PIGN: variants seen among roughly 807,000 people sequenced by gnomAD.
PIGN encodes the protein GPI ethanolamine phosphate transferase 1.
In PIGN, 117 loss-of-function variants were observed where a neutral mutation model predicts 125.4. That is an observed-to-expected ratio of 0.93 (90% CI 0.80 to 1.09). The LOEUF is 1.09. Ranked by LOEUF, PIGN falls within the 50% of genes least tolerant of loss-of-function variation. The pLI, the probability that PIGN is intolerant of heterozygous loss-of-function variation, is 0.00. For missense variants in PIGN, 1,075 were observed against 1,094.9 expected (o/e 0.98, Z 0.26); for synonymous variants, 392 against 377.8 (o/e 1.04, Z -0.44).
At chr18:62,125,150 ATATACATGTTTGTACATATGTG>A (rs1326657759) in intron 14 of PIGN, among the ~76,000 whole-genome samples, 2 of 100,920 alleles carry the variant, frequency 2.0e-5, no homozygotes, top group East Asian at 2.5e-4. Context: ...ACATATGTGT[ATATACATGTTTGTACATATGTG>A]TATATAAATA....
At chr18:62,140,619 G>T in intron 11 of PIGN, 140 bp from the exon 12 acceptor site, 1 of 459,370 alleles carries the variant, frequency 2.2e-6, no homozygotes, top group South Asian at 4.0e-5. Flanking sequence ...TAATAAAAAA[G>T]ATATTAATCT....
chr18:62,035,497 CTTAT>C (rs1402187447), intron 23 of PIGN, among the ~76,000 whole-genome samples: 1 of 152,096 alleles, frequency 6.6e-6, no homozygotes, highest in Non-Finnish European at 1.5e-5. Flanking sequence ...TTCAGAAGGC[CTTAT>C]TTAAGAAACC....
chr18:62,054,132 C>T (rs1028837090), intron 30 of PIGN, among the ~76,000 whole-genome samples: 11 of 152,186 alleles, frequency 7.2e-5, no homozygotes, highest in Non-Finnish European at 1.5e-4. Context: ...TGCAAATCTG[C>T]ACCCCATCCC....
At chr18:62,179,203 T>C (rs756597681) in intron 1 of PIGN, among the ~76,000 whole-genome samples, 3 of 152,202 alleles carry the variant, frequency 2.0e-5, no homozygotes, top group Non-Finnish European at 4.4e-5. Context: ...ACTGTTAATA[T>C]AAAACTTGAC....
Position 62,041,435 on chromosome 18 carries a change from T to C in PIGN, c.*4421A>G, listed in dbSNP as rs1487920464. 1 of 152,130 alleles carries C rather than the reference T, an allele frequency of 6.6e-6. No individual in the cohort carries two copies. The highest frequency in any genetic ancestry group is 1.9e-4 in the East Asian group (1 of 5,196). 9.4% of individuals were successfully genotyped at this position (152,130 alleles called of 1,614,324 possible). A position where few individuals can be genotyped will look rare whatever the true frequency, so the allele number is the denominator to read the frequency against. On this transcript the variant is annotated 3_prime_UTR_variant, in exon 31 of 31. Coordinates refer to ENST00000640252, the MANE Select transcript of PIGN (RefSeq NM_176787.5). ...CTCAGGGAAAAAAATTCAATCAACA[T>C]ACAACACCCTATTTTCAAAACTATG...
chr18:62,041,641 GTGTGT>G lies in PIGN; in HGVS notation c.*4210_*4214del, dbSNP rs1568107069. The G allele has an allele frequency of 4.1e-5, 1 of 24,312 alleles. No homozygotes were observed. The highest frequency in any genetic ancestry group is 7.1e-5 in the Non-Finnish European group (1 of 14,046). 1.5% of individuals were successfully genotyped at this position (24,312 alleles called of 1,614,324 possible). On this transcript the variant is annotated 3_prime_UTR_variant, in exon 31 of 31. Coordinates refer to ENST00000640252, the MANE Select transcript of PIGN (RefSeq NM_176787.5). ...TTACAGGAGCCTACCACCCCGCCGG[GTGTGT>G]GTGTGTGTGTGTGTGTGTGTGTGTG...
chr18:62,115,906 C>G (rs1049981518), intron 14 of PIGN, among the ~76,000 whole-genome samples: 1 of 151,986 alleles, frequency 6.6e-6, no homozygotes, highest in African/African-American at 2.4e-5. Context: ...AGAGGTCAGG[C>G]ATTCGAGACC....
intron 28 of PIGN, among the ~76,000 whole-genome samples, chr18:62,082,154 T>G (rs1476188874): frequency 6.6e-6 from 1 of 152,136 alleles, no homozygotes; most frequent in Non-Finnish European, 1.5e-5. Flanking sequence ...GCTCCAGAAA[T>G]TCCTCAAAAC....
chr18:62,078,992 T>A (rs2033316401), intron 28 of PIGN, among the ~76,000 whole-genome samples: 1 of 152,138 alleles, frequency 6.6e-6, no homozygotes, highest in Admixed American at 6.5e-5. Context: ...AATGGTGAAG[T>A]CCTATCTGTG....
At chr18:62,142,227 A>T (rs1368783521) in intron 11 of PIGN, among the ~76,000 whole-genome samples, 1 of 152,246 alleles carries the variant, frequency 6.6e-6, no homozygotes, top group Non-Finnish European at 1.5e-5. Context: ...CAAAGTTGAA[A>T]CACACCACAG....
chr18:62,056,103 A>G (rs898615761), intron 30 of PIGN, among the ~76,000 whole-genome samples: 5 of 148,698 alleles, frequency 3.4e-5, no homozygotes, highest in East Asian at 2.1e-4. Flanking sequence ...CACCAACCTA[A>G]TAAGATCAGA....
chr18:62,082,234 T>C (rs2033481942), intron 28 of PIGN, among the ~76,000 whole-genome samples: 1 of 152,164 alleles, frequency 6.6e-6, no homozygotes, highest in Admixed American at 6.5e-5. Flanking sequence ...GAGTATATTT[T>C]TGACATGTAG....
At position 62,046,059 on chromosome 18, in the gene PIGN, A is replaced by G. The variant is rs2030655228; in HGVS notation, c.2673-80T>C. Reference sequence around the variant, plus strand: ...ATGAGATTCCTCTGAATGGTTTTAAATGGACAGATGAAAATCTCCACTTTC... The same window carrying G: ...ATGAGATTCCTCTGAATGGTTTTAAGTGGACAGATGAAAATCTCCACTTTC... On this transcript the variant is annotated intron_variant, in intron 30 of 30. Coordinates refer to ENST00000640252, the MANE Select transcript of PIGN (RefSeq NM_176787.5). The G allele has an allele frequency of 3.5e-5, 49 of 1,419,322 alleles. 1 individual carries two copies. In the South Asian group the frequency reaches 6.2e-4, roughly 18 times the overall value. The allele number at this position is 1,419,322 out of a possible 1,614,324, so 87.9% of individuals were successfully genotyped here. A position where few individuals can be genotyped will look rare whatever the true frequency, so the allele number is the denominator to read the frequency against.
chr18:62,108,066 T>G (rs1468267623), intron 17 of PIGN, among the ~76,000 whole-genome samples: 1 of 152,214 alleles, frequency 6.6e-6, no homozygotes, highest in East Asian at 1.9e-4. Context: ...ATGACCTTTC[T>G]CTGACTGAAA....
At chr18:62,095,068 C>A (rs2034121663) in intron 23 of PIGN, among the ~76,000 whole-genome samples, 1 of 152,160 alleles carries the variant, frequency 6.6e-6, no homozygotes, top group Non-Finnish European at 1.5e-5. Context: ...AATCTCATAG[C>A]ATAATGGTGA....
chr18:62,110,311 A>G (rs994398371), intron 16 of PIGN, among the ~76,000 whole-genome samples: 3 of 152,148 alleles, frequency 2.0e-5, no homozygotes, highest in Non-Finnish European at 4.4e-5. Context: ...AGTTCTCTGG[A>G]TAACTCGCAA....
intron 23 of PIGN, among the ~76,000 whole-genome samples, chr18:62,019,840 G>A (rs1424543662): frequency 6.6e-6 from 1 of 152,264 alleles, no homozygotes; most frequent in Non-Finnish European, 1.5e-5. Context: ...GCACAAGACT[G>A]TGGTCCCTGA....
chr18:62,184,401 T>C (rs1164031620), intron 1 of PIGN: 1 of 152,202 alleles, frequency 6.6e-6, no homozygotes, highest in Non-Finnish European at 1.5e-5. Flanking sequence ...TTCCCAACAC[T>C]ATTAATAATA....
In PIGN at chr18:62,154,628, T is replaced by C; in HGVS notation, c.466A>G (p.Thr156Ala). The C allele has an allele frequency of 1.3e-6, 2 of 1,562,544 alleles. No individual in the cohort carries two copies. The highest frequency in any genetic ancestry group is 1.8e-6 in the Non-Finnish European group (2 of 1,135,640). ...AKGASGDHVYTYSYDAKREDF... is the reference protein window; with the variant it reads ...AKGASGDHVYAYSYDAKREDF... ...TCTCTTTTAGCATCATAACTATATG[T>C]ATAAACGTGGTCTCCACTAGCACCT... Residue 156 changes from threonine (T) to alanine (A), a missense_variant, in exon 7 of 31, where the codon ACA becomes GCA. By Grantham distance (58) the Thr-to-Ala change is moderately conservative. Coordinates refer to ENST00000640252, the MANE Select transcript of PIGN (RefSeq NM_176787.5).
Sources: allele counts gnomAD v4.1 joint callset (sites outside exome capture counted in the v4.1 genomes callset), GRCh38; gene constraint gnomAD v4.1.1; transcripts MANE v1.5; gene names NCBI Gene and HGNC (gene_info 2026-07-23, HGNC 2026-07-21).